Variants in ROR1 observed in about 807,000 individuals in gnomAD.
The protein encoded by ROR1 is inactive tyrosine-protein kinase transmembrane receptor ROR1.
Under a neutral mutation model 78.8 loss-of-function variants are expected in ROR1, and 19 were observed. The ratio of observed to expected loss-of-function variants is 0.24; its 90% CI spans 0.17 to 0.35. The LOEUF (loss-of-function observed/expected upper bound fraction) is 0.35, where lower values mean the gene tolerates loss of function less well. Among genes scored for constraint, ROR1 ranks in the 10% least tolerant of loss-of-function variants. The pLI, the probability that ROR1 is intolerant of heterozygous loss-of-function variation, is 1.00. For synonymous variants in ROR1, 386 were observed against 433.6 expected (o/e 0.89, Z 1.36); for missense variants, 917 against 1,177.8 (o/e 0.78, Z 3.24).
intron 2 of ROR1, among the ~76,000 whole-genome samples, chr1:64,023,116 A>G (rs1363305855): frequency 6.6e-6 from 1 of 152,208 alleles, no homozygotes; most frequent in Non-Finnish European, 1.5e-5. Context: ...TGCTGAAGAT[A>G]GTAGAATCAG....
intron 1 of ROR1, among the ~76,000 whole-genome samples, chr1:64,006,629 A>G (rs1296557971): frequency 6.6e-6 from 1 of 152,072 alleles, no homozygotes; most frequent in African/African-American, 2.4e-5. Flanking sequence ...TTGTTTTCAT[A>G]TTTTGGAATT....
At chr1:63,778,320 C>CT (rs1193766105) in intron 1 of ROR1, among the ~76,000 whole-genome samples, 2 of 152,150 alleles carry the variant, frequency 1.3e-5, no homozygotes, top group African/African-American at 4.8e-5. Context: ...ATAGCTATAG[C>CT]TATAATCTTA....
intron 1 of ROR1, among the ~76,000 whole-genome samples, chr1:63,793,770 A>G (rs571965216): frequency 1.7e-3 from 256 of 152,324 alleles, no homozygotes; most frequent in Admixed American, 2.7e-3. Context: ...TGTAGCTGGC[A>G]CATCTGGTGC....
chr1:63,787,419 T>C (rs1370020127), intron 1 of ROR1, among the ~76,000 whole-genome samples: 1 of 152,042 alleles, frequency 6.6e-6, no homozygotes, highest in African/African-American at 2.4e-5. Context: ...ATTTTCTCCC[T>C]GTAGAACTAT....
chr1:63,874,887 A>G (rs180912404), intron 1 of ROR1, among the ~76,000 whole-genome samples: 4 of 152,184 alleles, frequency 2.6e-5, no homozygotes, highest in East Asian at 1.9e-4. Context: ...TTTTTGTAAA[A>G]TACTGTAAAG....
At chr1:63,798,109 A>C (rs1170386552) in intron 1 of ROR1, among the ~76,000 whole-genome samples, 1 of 152,128 alleles carries the variant, frequency 6.6e-6, no homozygotes, top group Non-Finnish European at 1.5e-5. Flanking sequence ...AATGGAACAG[A>C]CATTTTCTGA....
intron 4 of ROR1, among the ~76,000 whole-genome samples, chr1:64,134,852 G>A (rs1014660811): frequency 1.3e-5 from 2 of 150,624 alleles, no homozygotes; most frequent in Non-Finnish European, 2.9e-5. Context: ...GGGTTCAAGT[G>A]ATTCTCCTAC....
At chr1:63,905,664 G>A (rs936400686) in intron 1 of ROR1, among the ~76,000 whole-genome samples, 1 of 152,180 alleles carries the variant, frequency 6.6e-6, no homozygotes, top group African/African-American at 2.4e-5. Context: ...TCATGGCAAA[G>A]CATACATGGT....
In ROR1 at chr1:64,177,788, G is replaced by C. The variant is rs1263110143; in HGVS notation, c.1747G>C (p.Val583Leu). 2 of 1,614,114 alleles carry C rather than the reference G, an allele frequency of 1.2e-6. No individual in the cohort carries two copies. Among genetic ancestry groups the C allele is most frequent in the East Asian group, 4.5e-5 (2 of 44,892 alleles). Residue 583 changes from valine (V) to leucine (L), a missense_variant, in exon 9 of 9, where the codon GTG becomes CTG. Physicochemically the swap from Val to Leu is conservative, Grantham distance 32. Around this residue, in one of 3 missense-constraint regions of ROR1, gnomAD observed 835 missense variants for 1,069.8 expected, o/e 0.78. Coordinates refer to ENST00000371079, the MANE Select transcript of ROR1 (RefSeq NM_005012.4). ...VGCSSDEDGT[V>L]KSSLDHGDFL... Reference sequence around the variant, plus strand: ...CTGCAGCAGTGATGAAGATGGGACTGTGAAATCCAGCCTGGACCACGGAGA... The same window carrying C: ...CTGCAGCAGTGATGAAGATGGGACTCTGAAATCCAGCCTGGACCACGGAGA...
At chr1:64,132,672 A>G (rs1289420014) in intron 4 of ROR1, among the ~76,000 whole-genome samples, 1 of 148,410 alleles carries the variant, frequency 6.7e-6, no homozygotes, top group Non-Finnish European at 1.5e-5. Flanking sequence ...AGGAAGGAGA[A>G]TCGCTTGAAC....
At chr1:63,940,211 C>T (rs1170716351) in intron 1 of ROR1, among the ~76,000 whole-genome samples, 2 of 151,898 alleles carry the variant, frequency 1.3e-5, no homozygotes, top group African/African-American at 4.8e-5. Flanking sequence ...AACCAGGGGT[C>T]CTCAAGTAAA....
At chr1:64,051,046 A>G (rs181007733) in intron 4 of ROR1, among the ~76,000 whole-genome samples, 1 of 152,316 alleles carries the variant, frequency 6.6e-6, no homozygotes, top group East Asian at 1.9e-4. Context: ...CTGGCATAGG[A>G]ACCTTTACTC....
intron 4 of ROR1, among the ~76,000 whole-genome samples, chr1:64,084,311 G>C (rs1647132386): frequency 6.6e-6 from 1 of 152,154 alleles, no homozygotes; most frequent in Non-Finnish European, 1.5e-5. Context: ...GACTGGATTT[G>C]TACAGTGGTC....
At chr1:63,991,896 G>C (rs562207370) in intron 1 of ROR1, among the ~76,000 whole-genome samples, 1 of 152,122 alleles carries the variant, frequency 6.6e-6, no homozygotes, top group Non-Finnish European at 1.5e-5. Flanking sequence ...CACCTGTCTC[G>C]CTTGACTAAC....
intron 4 of ROR1, among the ~76,000 whole-genome samples, chr1:64,112,548 C>T (rs1406799535): frequency 2.6e-5 from 4 of 152,146 alleles, no homozygotes; most frequent in Non-Finnish European, 5.9e-5. Context: ...TTGATACGCC[C>T]AGTGGTTTCT....
chr1:63,988,047 AT>A (rs2100517130), intron 1 of ROR1, among the ~76,000 whole-genome samples: 1 of 152,252 alleles, frequency 6.6e-6, no homozygotes. Flanking sequence ...CAAGACCTAG[AT>A]TTTCTTTTCT....
chr1:64,038,077 A>G (rs1326424308), intron 2 of ROR1, among the ~76,000 whole-genome samples: 1 of 151,904 alleles, frequency 6.6e-6, no homozygotes, highest in Non-Finnish European at 1.5e-5. Flanking sequence ...CTTTTGTATC[A>G]CTGTTTTGCG....
At chr1:63,970,236 C>T (rs1371953045) in intron 1 of ROR1, among the ~76,000 whole-genome samples, 1 of 152,174 alleles carries the variant, frequency 6.6e-6, no homozygotes, top group African/African-American at 2.4e-5. Flanking sequence ...CCTCCTCCAT[C>T]ATCACCATTA....
chr1:64,153,909 T>A (rs1019859837), intron 7 of ROR1, among the ~76,000 whole-genome samples: 7 of 152,230 alleles, frequency 4.6e-5, no homozygotes, highest in Admixed American at 3.3e-4. Flanking sequence ...TTTTTTACAA[T>A]TAAACATTTT....
Sources: allele counts gnomAD v4.1 joint callset (sites outside exome capture counted in the v4.1 genomes callset), GRCh38; gene constraint gnomAD v4.1.1; regional missense constraint gnomAD v4.1.1; transcripts MANE v1.5; gene names NCBI Gene and HGNC (gene_info 2026-07-23, HGNC 2026-07-21).